The following GRAMD1B variants were observed in gnomAD, a reference collection of about 807,000 sequenced individuals.
The protein encoded by GRAMD1B is protein Aster-B.
GRAMD1B carries 37 observed loss-of-function variants against 99.7 expected under a neutral mutation model. The ratio of observed to expected loss-of-function variants is 0.37; its 90% CI spans 0.29 to 0.49. The LOEUF is 0.49. GRAMD1B is among the 20% of genes least tolerant of loss of function. The probability of loss-of-function intolerance (pLI) is 0.98; values close to 1 mark genes in which losing one functional copy is unlikely to be tolerated. For synonymous variants in GRAMD1B, 427 were observed against 387.6 expected (o/e 1.10, Z -1.19); for missense variants, 888 against 1,009.2 (o/e 0.88, Z 1.63).
At chr11:123,457,585 C>T (rs2016471465) in intron 1 of GRAMD1B, among the ~76,000 whole-genome samples, 1 of 152,206 alleles carries the variant, frequency 6.6e-6, no homozygotes, top group South Asian at 2.1e-4. Context: ...AACTGAAGTT[C>T]AGAACAATGG....
intron 1 of GRAMD1B, among the ~76,000 whole-genome samples, chr11:123,378,973 C>T (rs1171042744): frequency 6.6e-6 from 1 of 151,946 alleles, no homozygotes; most frequent in Non-Finnish European, 1.5e-5. Flanking sequence ...TCTTACATAC[C>T]CCAGTTTTGA....
chr11:123,409,656 G>C (rs1321396297), intron 1 of GRAMD1B, among the ~76,000 whole-genome samples: 2 of 152,206 alleles, frequency 1.3e-5, no homozygotes, highest in Admixed American at 1.3e-4. Context: ...CCTGTAGACA[G>C]ATGAGACATG....
chr11:123,474,688 T>C (rs1301056863), intron 1 of GRAMD1B, among the ~76,000 whole-genome samples: 1 of 151,404 alleles, frequency 6.6e-6, no homozygotes, highest in Non-Finnish European at 1.5e-5. Context: ...CTATTTCTAC[T>C]GTATCACTGC....
intron 2 of GRAMD1B, among the ~76,000 whole-genome samples, chr11:123,508,102 T>C (rs116804814): frequency 0.012 from 1,887 of 152,266 alleles, 46 homozygotes; most frequent in African/African-American, 0.042. Context: ...GATCTTAGTA[T>C]ATTTTCTGCG....
At chr11:123,564,089 G>A (rs897596817) in intron 2 of GRAMD1B, among the ~76,000 whole-genome samples, 8 of 152,338 alleles carry the variant, frequency 5.3e-5, no homozygotes, top group South Asian at 4.1e-4. Context: ...TGAGGGGCAG[G>A]ACATGTGGCG....
intron 17 of GRAMD1B, among the ~76,000 whole-genome samples, 188 bp downstream of exon 17, chr11:123,615,023 G>A (rs185207102): frequency 7.9e-5 from 12 of 152,288 alleles, no homozygotes; most frequent in Non-Finnish European, 1.2e-4. Flanking sequence ...CTTTTTCTCT[G>A]CTTTGTTCAG....
At chr11:123,480,742 G>C (rs1382995300) in intron 1 of GRAMD1B, 74 bp from the exon 2 acceptor site, 8 of 398,342 alleles carry the variant, frequency 2.0e-5, no homozygotes, top group Non-Finnish European at 3.5e-5. Flanking sequence ...TTGTCTAGTT[G>C]AAGTCTAAGT....
chr11:123,443,007 C>CT (rs1054126892), intron 1 of GRAMD1B, among the ~76,000 whole-genome samples: 5 of 152,134 alleles, frequency 3.3e-5, no homozygotes, highest in African/African-American at 7.2e-5. Flanking sequence ...TTTTAGCCGG[C>CT]TTTTTTACTG....
intron 1 of GRAMD1B, among the ~76,000 whole-genome samples, chr11:123,466,899 A>G (rs1209554156): frequency 1.3e-5 from 2 of 152,212 alleles, no homozygotes; most frequent in African/African-American, 4.8e-5. Flanking sequence ...CAAGGAAGCT[A>G]GTAGGATGTG....
chr11:123,526,889 T>A (rs1942830166), intron 2 of GRAMD1B, among the ~76,000 whole-genome samples: 1 of 152,196 alleles, frequency 6.6e-6, no homozygotes. Flanking sequence ...CCTTTACCTC[T>A]CTCTGTTTTT....
At chr11:123,371,236 C>T (rs753468708) in intron 1 of GRAMD1B, among the ~76,000 whole-genome samples, 3 of 152,020 alleles carry the variant, frequency 2.0e-5, no homozygotes, top group Non-Finnish European at 2.9e-5. Flanking sequence ...TGTAAAAATC[C>T]AGGTTGGGTA....
intron 2 of GRAMD1B, among the ~76,000 whole-genome samples, chr11:123,511,555 G>C (rs752742815): frequency 6.6e-6 from 1 of 152,144 alleles, no homozygotes; most frequent in Non-Finnish European, 1.5e-5. Context: ...AGGAGGCTGA[G>C]TCTGTGCAGC....
intron 14 of GRAMD1B, among the ~76,000 whole-genome samples, chr11:123,611,209 AG>A (rs34489988): frequency 0.39 from 59,769 of 151,854 alleles, 12,165 homozygotes; most frequent in South Asian, 0.55. Context: ...CTTACGCAGG[AG>A]GGATTGCTTG....
rs1951820915 is a variant in GRAMD1B at position 123,485,150 on chromosome 11, T to A, written c.452+4257T>A. On this transcript the variant is annotated intron_variant, in intron 2 of 19. Transcript: ENST00000635736. ...TCAAGGATGAGGTGGATATTATGGA[T>A]TTTTTTTCTGTGGCTTCTTCTAATT... 2.0e-5 allele frequency among the ~76,000 whole-genome samples: 3 copies of A among 152,170 alleles called. No homozygotes were observed. In the South Asian group the frequency reaches 6.2e-4, roughly 32 times the overall value.
intron 9 of GRAMD1B, among the ~76,000 whole-genome samples, chr11:123,605,034 A>C (rs1388808425): frequency 6.6e-6 from 1 of 151,912 alleles, no homozygotes; most frequent in Non-Finnish European, 1.5e-5. Flanking sequence ...TAAGACAAAT[A>C]ATCCTTTCAG....
At position 123,610,055 on chromosome 11, in the gene GRAMD1B, T is replaced by G; in HGVS notation, c.1777-141T>G. 1 of 874,488 alleles carries G rather than the reference T, an allele frequency of 1.1e-6. No individual in the cohort carries two copies. The highest frequency in any genetic ancestry group is 2.1e-5 in the Admixed American group (1 of 46,710). The allele number at this position is 874,488 out of a possible 1,614,324, so 54.2% of individuals were successfully genotyped here. On this transcript the variant is annotated intron_variant, in intron 13 of 19. Coordinates refer to ENST00000635736, the MANE Select transcript of GRAMD1B (RefSeq NM_001387025.1). The surrounding 1 kb of genome is among the most constrained non-coding windows in gnomAD (Gnocchi z 4.1). The stretch of plus-strand genomic sequence containing the variant: ...AAGCGGTGGTGGCGTCTTGCTTGTT[T>G]AGTTGCTGCTGATTCCAGTGATCCT...
chr11:123,400,068 A>C (rs943608123), intron 1 of GRAMD1B, among the ~76,000 whole-genome samples: 1 of 152,158 alleles, frequency 6.6e-6, no homozygotes, highest in African/African-American at 2.4e-5. Flanking sequence ...GTGTTTTGCT[A>C]TTGAGTTGTA....
At chr11:123,504,795 C>T (rs1456836177) in intron 2 of GRAMD1B, among the ~76,000 whole-genome samples, 2 of 152,164 alleles carry the variant, frequency 1.3e-5, no homozygotes, top group African/African-American at 4.8e-5. Flanking sequence ...GATTCTCATA[C>T]CTCAGCCTCC....
chr11:123,413,450 G>A (rs1168968164), intron 1 of GRAMD1B, among the ~76,000 whole-genome samples: 1 of 152,036 alleles, frequency 6.6e-6, no homozygotes, highest in Non-Finnish European at 1.5e-5. Flanking sequence ...ATCAGGAAGT[G>A]TAATTATGGG....
Sources: allele counts gnomAD v4.1 joint callset (sites outside exome capture counted in the v4.1 genomes callset), GRCh38; gene constraint gnomAD v4.1.1; non-coding constraint Gnocchi (gnomAD v3.1); transcripts MANE v1.5; gene names NCBI Gene and HGNC (gene_info 2026-07-23, HGNC 2026-07-21).